Variants in PCCB observed in about 807,000 individuals in gnomAD.
PCCB encodes the protein propionyl-CoA carboxylase beta chain, mitochondrial.
A neutral mutation model predicts 60.7 loss-of-function variants in PCCB; 43 were observed. The ratio of observed to expected loss-of-function variants is 0.71; its 90% CI spans 0.55 to 0.91. The LOEUF is 0.91. Ranked by LOEUF, PCCB falls within the 40% of genes least tolerant of loss-of-function variation. The pLI, the probability that PCCB is intolerant of heterozygous loss-of-function variation, is 0.00. For synonymous variants in PCCB, 276 were observed against 255.9 expected (o/e 1.08, Z -0.75); for missense variants, 766 against 702.8 (o/e 1.09, Z -1.02).
At chr3:136,272,966 T>A (rs570870267) in intron 5 of PCCB, among the ~76,000 whole-genome samples, 96 of 152,330 alleles carry the variant, frequency 6.3e-4, no homozygotes, top group African/African-American at 2.3e-3. Context: ...AACTATGAAC[T>A]TTCCTCTTAG....
intron 3 of PCCB, chr3:136,260,260 C>T: frequency 1.6e-6 from 1 of 612,564 alleles, no homozygotes; most frequent in Non-Finnish European, 2.9e-6. Context: ...ATATTTTTTG[C>T]AGATACGGGC....
intron 9 of PCCB, among the ~76,000 whole-genome samples, chr3:136,315,915 A>ATG (rs1934873177): frequency 1.3e-5 from 2 of 150,904 alleles, no homozygotes; most frequent in African/African-American, 4.9e-5. Context: ...ATGTGTTTAT[A>ATG]TATATATAAA....
At chr3:136,314,657 GAAAAAC>G (rs1382186408) in intron 9 of PCCB, among the ~76,000 whole-genome samples, 22 of 151,832 alleles carry the variant, frequency 1.4e-4, no homozygotes, top group African/African-American at 2.7e-4. Flanking sequence ...CCTGTCTCAA[GAAAAAC>G]AAAAACAAAA....
chr3:136,328,821 G>C lies in PCCB; in HGVS notation c.1462G>C (p.Glu488Gln). 1 of 1,614,184 alleles carries C rather than the reference G, an allele frequency of 6.2e-7. No individual in the cohort carries two copies. ...GGAAGCTGCTCAGGCAGAGTACATCGAGAAGTTTGCCAACCCTTTCCCTGC... is the reference window on the plus strand; with the variant it reads ...GGAAGCTGCTCAGGCAGAGTACATCCAGAAGTTTGCCAACCCTTTCCCTGC... ...NVEAAQAEYI[E>Q]KFANPFPAAV... Residue 488 changes from glutamate (E) to glutamine (Q), a missense_variant, in exon 14 of 15, where the codon GAG becomes CAG. Coordinates refer to ENST00000251654, the MANE Select transcript of PCCB (RefSeq NM_000532.5).
chr3:136,265,528 A>G (rs1318909687), intron 5 of PCCB, among the ~76,000 whole-genome samples: 1 of 151,992 alleles, frequency 6.6e-6, no homozygotes, highest in East Asian at 1.9e-4. Context: ...TATTTTATGT[A>G]TTTTCATCAT....
rs201984177 is a variant in PCCB at position 136,298,050 on chromosome 3, G to C, written c.862G>C (p.Val288Leu). The C allele has an allele frequency of 4.0e-5, 64 of 1,614,108 alleles. No individual in the cohort carries two copies. In the South Asian group the frequency reaches 5.2e-4, roughly 13 times the overall value. Residue 288 changes from valine (V) to leucine (L), a missense_variant, in exon 8 of 15, where the codon GTC becomes CTC. Coordinates refer to ENST00000251654, the MANE Select transcript of PCCB (RefSeq NM_000532.5). The part of the protein sequence containing the change: ...LPLSSQDPAP[V>L]RECHDPSDRL... ...CCTGAGCAGTCAGGACCCGGCTCCCGTCCGTGAGTGCCACGATCCCAGGTG... is the reference window on the plus strand; with the variant it reads ...CCTGAGCAGTCAGGACCCGGCTCCCCTCCGTGAGTGCCACGATCCCAGGTG...
At chr3:136,259,196 G>A in intron 3 of PCCB, 1 of 1,444,986 alleles carries the variant, frequency 6.9e-7, no homozygotes, top group Non-Finnish European at 9.1e-7. Context: ...GCTGGGCACA[G>A]TGGCTCCCGC....
At chr3:136,252,124 C>G (rs893772364) in intron 1 of PCCB, among the ~76,000 whole-genome samples, 3 of 151,852 alleles carry the variant, frequency 2.0e-5, no homozygotes, top group African/African-American at 4.8e-5. Context: ...TCAAGTGATT[C>G]ACCCACCTTG....
chr3:136,327,701 C>T lies in PCCB; in HGVS notation c.1367C>T (p.Pro456Leu). Reference protein sequence around the residue: ...HLCGDTNYAWPTAEIAVMGAK... With the variant: ...HLCGDTNYAWLTAEIAVMGAK... ...TGTGGTGATACCAACTATGCCTGGCCCACCGCAGAGATTGCAGTCATGGGA... is the reference window on the plus strand; with the variant it reads ...TGTGGTGATACCAACTATGCCTGGCTCACCGCAGAGATTGCAGTCATGGGA... Residue 456 changes from proline (P) to leucine (L), a missense_variant, in exon 13 of 15, where the codon CCC becomes CTC. Physicochemically the swap from Pro to Leu is moderately conservative, Grantham distance 98 (BLOSUM62 -3). Transcript: ENST00000251654. 1.2e-6 allele frequency: 2 copies of T among 1,613,986 alleles called. No individual in the cohort carries two copies. Among genetic ancestry groups the T allele is most frequent in the Non-Finnish European group, 1.7e-6 (2 of 1,179,952 alleles).
chr3:136,317,365 G>A (rs983294339), intron 10 of PCCB, among the ~76,000 whole-genome samples: 5 of 151,372 alleles, frequency 3.3e-5, no homozygotes, highest in Admixed American at 1.3e-4. Context: ...GGGACTACAG[G>A]CACATACCAC....
At chr3:136,303,621 G>T in intron 9 of PCCB, among the ~76,000 whole-genome samples, 1 of 119,202 alleles carries the variant, frequency 8.4e-6, no homozygotes. Flanking sequence ...ATTTTTTTTT[G>T]AGACAGAGTT....
At chr3:136,282,562 A>G (rs1942508505) in intron 5 of PCCB, among the ~76,000 whole-genome samples, 1 of 152,216 alleles carries the variant, frequency 6.6e-6, no homozygotes, top group African/African-American at 2.4e-5. Context: ...GTAAGACAGG[A>G]ACTTTGCTCC....
chr3:136,283,085 A>G (rs530792412), intron 5 of PCCB, among the ~76,000 whole-genome samples: 6 of 152,188 alleles, frequency 3.9e-5, no homozygotes, highest in Non-Finnish European at 8.8e-5. Context: ...TTAGCTGTGT[A>G]TAGATTGGGC....
intron 8 of PCCB, among the ~76,000 whole-genome samples, chr3:136,298,954 T>C (rs1934061284): frequency 6.6e-6 from 1 of 152,182 alleles, no homozygotes. Context: ...CCTCACTCTG[T>C]CTGCCTCTGC....
chr3:136,319,972 A>C (rs1245268419), intron 10 of PCCB, among the ~76,000 whole-genome samples: 1 of 152,206 alleles, frequency 6.6e-6, no homozygotes, highest in Non-Finnish European at 1.5e-5. Context: ...TTCCTCATTG[A>C]ACAGGTGTGG....
intron 5 of PCCB, among the ~76,000 whole-genome samples, chr3:136,263,970 C>T (rs1026696990): frequency 1.3e-5 from 2 of 151,548 alleles, no homozygotes; most frequent in African/African-American, 4.9e-5. Context: ...CAAGATTGTG[C>T]CATTGCACTC....
rs1233920827 is a variant in PCCB at position 136,262,047 on chromosome 3, C to A, written c.525C>A (p.Gly175=). 1.3e-6 allele frequency: 2 copies of A among 1,553,060 alleles called. No homozygotes were observed. Among genetic ancestry groups the A allele is most frequent in the African/African-American group, 2.7e-5 (2 of 73,452 alleles). ...RIQEGVESLA[G]YADIFLRNVT... ...AAGAAGGAGTGGAGTCTTTGGCTGG[C>A]TATGCAGACATCTTTCTGGTGAGAA... Residue 175 remains glycine (G), a synonymous_variant, in exon 5 of 15, where the codon GGC becomes GGA. Transcript: ENST00000251654.
At chr3:136,321,109 G>C (rs143711019) in intron 10 of PCCB, among the ~76,000 whole-genome samples, 1 of 152,076 alleles carries the variant, frequency 6.6e-6, no homozygotes. Flanking sequence ...TGTTAACATG[G>C]TGTATTATGT....
chr3:136,268,087 G>GTGT lies in PCCB; in HGVS notation c.543+6022_543+6023insTGT, dbSNP rs1942064570. 2.9e-4 allele frequency among the ~76,000 whole-genome samples: 27 copies of GTGT among 93,796 alleles called. 1 individual carries two copies. The highest frequency in any genetic ancestry group is 7.2e-4 in the Admixed American group (6 of 8,298). The allele number at this position is 93,796 out of a possible 152,430, so 61.5% of individuals were successfully genotyped here. On this transcript the variant is annotated intron_variant, in intron 5 of 14. Transcript: ENST00000251654. ...GTGCGTGTGTGTGTGTGTGTGTGTAGATATATATATATATATATATATATA... is the reference window on the plus strand; with the variant it reads ...GTGCGTGTGTGTGTGTGTGTGTGTAGTGTATATATATATATATATATATATATA...
Sources: allele counts gnomAD v4.1 joint callset (sites outside exome capture counted in the v4.1 genomes callset), GRCh38; gene constraint gnomAD v4.1.1; transcripts MANE v1.5; gene names NCBI Gene and HGNC (gene_info 2026-07-23, HGNC 2026-07-21).